DIAPH3: variants seen among roughly 807,000 people sequenced by gnomAD.
DIAPH3 encodes the protein protein diaphanous homolog 3.
In DIAPH3, 117 loss-of-function variants were observed where a neutral mutation model predicts 144.3. That is an observed-to-expected ratio of 0.81 (90% CI 0.70 to 0.95). DIAPH3 has a LOEUF of 0.95. Among genes scored for constraint, DIAPH3 ranks in the 40% least tolerant of loss-of-function variants. The probability of loss-of-function intolerance (pLI) is 0.00; values close to 1 mark genes in which losing one functional copy is unlikely to be tolerated. For missense variants in DIAPH3, 1,421 were observed against 1,412.7 expected (o/e 1.01, Z -0.09); for synonymous variants, 519 against 488.9 (o/e 1.06, Z -0.81).
intron 27 of DIAPH3, among the ~76,000 whole-genome samples, chr13:59,710,665 A>G (rs536446981): frequency 4.4e-4 from 67 of 152,380 alleles, no homozygotes; most frequent in African/African-American, 1.6e-3. Flanking sequence ...GCTGGCTCTC[A>G]TCTTAACATT....
intron 27 of DIAPH3, among the ~76,000 whole-genome samples, chr13:59,753,749 G>A (rs576259607): frequency 6.6e-6 from 1 of 152,236 alleles, no homozygotes; most frequent in African/African-American, 2.4e-5. Context: ...AATTGTAAAA[G>A]TGCCAGCAAT....
At chr13:60,150,345 C>G (rs1434809474) in intron 1 of DIAPH3, among the ~76,000 whole-genome samples, 1 of 151,904 alleles carries the variant, frequency 6.6e-6, no homozygotes, top group Non-Finnish European at 1.5e-5. Context: ...TTAAAAAAAA[C>G]TATTTGGGAC....
chr13:59,796,203 G>T (rs1430512912), intron 25 of DIAPH3, among the ~76,000 whole-genome samples: 1 of 152,176 alleles, frequency 6.6e-6, no homozygotes, highest in Non-Finnish European at 1.5e-5. Flanking sequence ...TTAGTGAAAT[G>T]CTAGTCATTT....
At chr13:60,014,962 T>C (rs2140979503) in intron 7 of DIAPH3, among the ~76,000 whole-genome samples, 2 of 146,660 alleles carry the variant, frequency 1.4e-5, no homozygotes, top group South Asian at 4.5e-4. Context: ...CCTCTTTTTT[T>C]CTAGTTTTTT....
intron 27 of DIAPH3, among the ~76,000 whole-genome samples, chr13:59,688,470 T>A (rs189830917): frequency 6.6e-6 from 1 of 152,100 alleles, no homozygotes; most frequent in Non-Finnish European, 1.5e-5. Flanking sequence ...CATAAATGAA[T>A]AATGAATCCA....
chr13:59,720,301 T>C (rs2035276202), intron 27 of DIAPH3, among the ~76,000 whole-genome samples: 1 of 152,172 alleles, frequency 6.6e-6, no homozygotes, highest in Non-Finnish European at 1.5e-5. Flanking sequence ...ATGTGGTACA[T>C]GACTATATTT....
At chr13:60,144,002 C>T (rs1430441828) in intron 1 of DIAPH3, among the ~76,000 whole-genome samples, 1 of 152,176 alleles carries the variant, frequency 6.6e-6, no homozygotes, top group Non-Finnish European at 1.5e-5. Context: ...CTTCTTCCCA[C>T]AGCCCTTTTG....
chr13:59,667,953 C>T (rs2032117877), intron 27 of DIAPH3, among the ~76,000 whole-genome samples: 1 of 152,206 alleles, frequency 6.6e-6, no homozygotes, highest in African/African-American at 2.4e-5. Context: ...AAGATATTTA[C>T]TGCACTGTCA....
chr13:59,893,371 G>T (rs763506929), intron 20 of DIAPH3, among the ~76,000 whole-genome samples: 5 of 152,104 alleles, frequency 3.3e-5, no homozygotes, highest in Non-Finnish European at 5.9e-5. Flanking sequence ...CTATAAATGT[G>T]ATACTTACAT....
chr13:59,774,822 C>G lies in DIAPH3; in HGVS notation c.3165G>C (p.Glu1055Asp), dbSNP rs749196642. ...KKKRLLEMKT[E>D]GDETGVMDNL... The stretch of plus-strand genomic sequence containing the variant: ...TATCCATCACTCCTGTCTCATCACC[C>G]TCTGTGAAAAGAGATGCAGGGAATT... Residue 1055 changes from glutamate to aspartate, a missense_variant and splice_region_variant, in exon 26 of 28, where the codon GAG (glutamate) becomes GAC (aspartate). Physicochemically the swap from Glu to Asp is conservative, Grantham distance 45. Coordinates refer to ENST00000400324, the MANE Select transcript of DIAPH3 (RefSeq NM_001042517.2). 2 of 1,613,608 alleles carry G rather than the reference C, an allele frequency of 1.2e-6. No homozygotes were observed. Among genetic ancestry groups the G allele is most frequent in the Non-Finnish European group, 1.7e-6 (2 of 1,179,566 alleles).
At chr13:60,094,460 C>G (rs1351964374) in intron 3 of DIAPH3, among the ~76,000 whole-genome samples, 2 of 152,108 alleles carry the variant, frequency 1.3e-5, no homozygotes, top group Non-Finnish European at 2.9e-5. Context: ...CTTAATTAAG[C>G]TCCTGAAGTA....
intron 22 of DIAPH3, among the ~76,000 whole-genome samples, chr13:59,850,795 C>T (rs1323886407): frequency 2.0e-5 from 3 of 148,758 alleles, no homozygotes; most frequent in South Asian, 2.2e-4. Context: ...ATACATTCCT[C>T]GACACATACA....
chr13:59,706,037 A>G (rs1050398881), intron 27 of DIAPH3, among the ~76,000 whole-genome samples: 3 of 152,020 alleles, frequency 2.0e-5, no homozygotes, highest in Non-Finnish European at 4.4e-5. Flanking sequence ...CAAGGATAAC[A>G]AAATCCAAAG....
chr13:59,930,292 A>G (rs1025697621), intron 17 of DIAPH3, among the ~76,000 whole-genome samples: 4 of 152,226 alleles, frequency 2.6e-5, no homozygotes, highest in African/African-American at 9.6e-5. Context: ...GCCTCAAAGA[A>G]TTTAAGGTCT....
chr13:59,750,485 G>C (rs2036949289), intron 27 of DIAPH3, among the ~76,000 whole-genome samples: 1 of 152,182 alleles, frequency 6.6e-6, no homozygotes, highest in African/African-American at 2.4e-5. Flanking sequence ...TAGCATGAAA[G>C]ATCATGCAAT....
intron 1 of DIAPH3, among the ~76,000 whole-genome samples, chr13:60,147,786 T>C (rs912925438): frequency 1.3e-5 from 2 of 152,202 alleles, no homozygotes; most frequent in Non-Finnish European, 2.9e-5. Flanking sequence ...TCATGCTACT[T>C]GGCCTTTAAG....
intron 10 of DIAPH3, 27 bp downstream of exon 10, chr13:59,992,446 T>C: frequency 6.5e-7 from 1 of 1,540,750 alleles, no homozygotes; most frequent in Non-Finnish European, 8.9e-7. Context: ...AATTTAAATA[T>C]TAATAAGGAG....
At chr13:60,145,092 TC>T (rs761497103) in intron 1 of DIAPH3, among the ~76,000 whole-genome samples, 2 of 152,110 alleles carry the variant, frequency 1.3e-5, no homozygotes, top group African/African-American at 2.4e-5. Flanking sequence ...CTCGCTATTA[TC>T]CCCATCTTAG....
At chr13:59,727,251 T>C (rs2035645633) in intron 27 of DIAPH3, among the ~76,000 whole-genome samples, 1 of 152,118 alleles carries the variant, frequency 6.6e-6, no homozygotes, top group Admixed American at 6.5e-5. Context: ...AGGAAACTGG[T>C]AAATGATAAT....
Sources: gnomAD v4.1 joint callset for allele counts (sites outside exome capture counted in the v4.1 genomes callset) on GRCh38, gnomAD v4.1.1 for gene constraint, MANE v1.5 for transcripts, NCBI Gene and HGNC (gene_info 2026-07-23, HGNC 2026-07-21) for gene names.